Variants in PODXL observed in about 807,000 individuals in gnomAD.
The protein encoded by PODXL is podocalyxin like.
A neutral mutation model predicts 48.9 loss-of-function variants in PODXL; 20 were observed. The ratio of observed to expected loss-of-function variants is 0.41; its 90% CI spans 0.29 to 0.59. PODXL has a LOEUF of 0.59. PODXL is among the 20% of genes least tolerant of loss of function. The pLI is 0.31. For missense variants in PODXL, 606 were observed against 675.1 expected, an observed-to-expected ratio of 0.90 and a Z score of 1.13; for synonymous variants, 295 against 287.4, an observed-to-expected ratio of 1.03 and a Z score of -0.27.
chr7:131,521,146 C>A (rs1210199406), intron 1 of PODXL, among the ~76,000 whole-genome samples: 2 of 125,972 alleles, frequency 1.6e-5, no homozygotes, highest in East Asian at 5.2e-4. Flanking sequence ...CCAGCCTGGG[C>A]GACTCCATCT....
chr7:131,543,869 C>T (rs1053557452), intron 1 of PODXL, among the ~76,000 whole-genome samples: 6 of 152,174 alleles, frequency 3.9e-5, no homozygotes, highest in Non-Finnish European at 8.8e-5. Flanking sequence ...ATGAGAACAG[C>T]CCCCTCCAGC....
intron 1 of PODXL, among the ~76,000 whole-genome samples, chr7:131,514,383 G>C (rs753536345): frequency 1.3e-5 from 2 of 151,988 alleles, no homozygotes; most frequent in African/African-American, 2.4e-5. Context: ...ACTGCACTCC[G>C]GCCTGGGTGA....
chr7:131,525,574 C>T (rs1375751811), intron 1 of PODXL, among the ~76,000 whole-genome samples: 3 of 149,894 alleles, frequency 2.0e-5, no homozygotes, highest in Non-Finnish European at 3.0e-5. Context: ...CATTCTAGCC[C>T]GGGAGACAAG....
intron 1 of PODXL, 79 bp downstream of exon 1, chr7:131,556,181 G>A (rs1283016758): frequency 4.4e-6 from 6 of 1,355,086 alleles, no homozygotes; most frequent in Admixed American, 3.9e-5. Context: ...GCGGCGCGCC[G>A]GGCTTCCCTG....
intron 1 of PODXL, among the ~76,000 whole-genome samples, chr7:131,519,142 A>G (rs1318550295): frequency 6.6e-6 from 1 of 152,236 alleles, no homozygotes; most frequent in Admixed American, 6.5e-5. Flanking sequence ...TATTCTTTAA[A>G]GTCCTGGCCA....
At chr7:131,554,296 T>C (rs922415861) in intron 1 of PODXL, among the ~76,000 whole-genome samples, 1 of 152,124 alleles carries the variant, frequency 6.6e-6, no homozygotes, top group Non-Finnish European at 1.5e-5. Context: ...CCTCAATACA[T>C]GCAAATCATC....
At chr7:131,528,729 G>A (rs1798226769) in intron 1 of PODXL, among the ~76,000 whole-genome samples, 1 of 152,200 alleles carries the variant, frequency 6.6e-6, no homozygotes, top group Admixed American at 6.5e-5. Context: ...TAGAAAAATG[G>A]AGGCAAAGGT....
At chr7:131,529,823 C>T (rs1798245769) in intron 1 of PODXL, among the ~76,000 whole-genome samples, 5 of 152,000 alleles carry the variant, frequency 3.3e-5, no homozygotes, top group Admixed American at 2.0e-4. Flanking sequence ...TAAGGTCCCT[C>T]GGGGTGTGTA....
intron 1 of PODXL, among the ~76,000 whole-genome samples, chr7:131,546,390 C>T (rs893914101): frequency 1.3e-5 from 2 of 152,116 alleles, no homozygotes; most frequent in African/African-American, 4.8e-5. Flanking sequence ...ATGGGCTAAC[C>T]ACCTAGGGGG....
intron 1 of PODXL, among the ~76,000 whole-genome samples, chr7:131,541,347 T>G (rs557985818): frequency 7.7e-5 from 10 of 129,528 alleles, no homozygotes; most frequent in African/African-American, 1.2e-4. Context: ...GGGAGTGGAG[T>G]GGAAGTGGGG....
chr7:131,509,331 G>A lies in PODXL; in HGVS notation c.1023+34C>T. The A allele has an allele frequency of 2.0e-6, 3 of 1,520,784 alleles. No homozygotes were observed. In the South Asian group the frequency reaches 3.4e-5, roughly 17 times the overall value. The allele number at this position is 1,520,784 out of a possible 1,614,324, so 94.2% of individuals were successfully genotyped here. The stretch of plus-strand genomic sequence containing the variant: ...TAAAGCCTCTTCTACCCGAGTCTGG[G>A]TTCTCCTACTTGCCCCACCCCTGCT... On this transcript the variant is annotated intron_variant, in intron 4 of 8. Coordinates refer to ENST00000378555, the MANE Select transcript of PODXL (RefSeq NM_001018111.3).
At position 131,509,377 on chromosome 7, in the gene PODXL, A is replaced by G. The variant is rs3212297; in HGVS notation, c.1011T>C (p.His337=). Residue 337 remains histidine, a synonymous_variant, in exon 4 of 9, where the codon CAT becomes CAC. Coordinates refer to ENST00000378555, the MANE Select transcript of PODXL (RefSeq NM_001018111.3). Reference sequence around the variant, plus strand: ...CTGCTGGAGTTACCCAGTTACTCTCATGAGCCACAGTGGGAGAAGGTGTTT... The same window carrying G: ...CTGCTGGAGTTACCCAGTTACTCTCGTGAGCCACAGTGGGAGAAGGTGTTT... ...YPKTPSPTVA[H]ESNWAKCEDL... 1,079 of 1,613,854 alleles carry G rather than the reference A, an allele frequency of 6.7e-4. 10 individuals carry two copies. In the East Asian group the frequency reaches 0.021, roughly 31 times the overall value.
intron 1 of PODXL, among the ~76,000 whole-genome samples, chr7:131,552,487 T>C (rs750943804): frequency 9.9e-5 from 15 of 152,100 alleles, no homozygotes; most frequent in Non-Finnish European, 2.1e-4. Flanking sequence ...CTCCTCTCCT[T>C]TCAAACATGG....
At chr7:131,532,361 G>C (rs1798294123) in intron 1 of PODXL, among the ~76,000 whole-genome samples, 1 of 150,288 alleles carries the variant, frequency 6.7e-6, no homozygotes, top group African/African-American at 2.4e-5. Context: ...GTGTGAACCT[G>C]GGAGGCGGAG....
intron 1 of PODXL, among the ~76,000 whole-genome samples, chr7:131,553,907 C>A (rs1050494264): frequency 2.0e-5 from 3 of 152,112 alleles, no homozygotes; most frequent in Non-Finnish European, 2.9e-5. Context: ...GTTATCAAAC[C>A]AAAAAGCACT....
At chr7:131,552,535 C>T (rs1381050619) in intron 1 of PODXL, among the ~76,000 whole-genome samples, 2 of 152,182 alleles carry the variant, frequency 1.3e-5, no homozygotes, top group African/African-American at 2.4e-5. Context: ...AGCCTCCATG[C>T]CTCTTCCCCC....
intron 1 of PODXL, among the ~76,000 whole-genome samples, chr7:131,527,493 A>T (rs971683177): frequency 6.6e-6 from 1 of 152,192 alleles, no homozygotes; most frequent in Non-Finnish European, 1.5e-5. Context: ...TCTGCTTTAG[A>T]TTCACGTTTT....
At chr7:131,551,073 T>C (rs1306380545) in intron 1 of PODXL, among the ~76,000 whole-genome samples, 1 of 152,072 alleles carries the variant, frequency 6.6e-6, no homozygotes, top group African/African-American at 2.4e-5. Context: ...ATATGGCAAA[T>C]GTTACTGCAA....
At chr7:131,544,559 G>A (rs148331991) in intron 1 of PODXL, among the ~76,000 whole-genome samples, 2 of 152,264 alleles carry the variant, frequency 1.3e-5, no homozygotes, top group Non-Finnish European at 2.9e-5. Flanking sequence ...TTTGGGCGGT[G>A]CTCTCAGGGC....
Sources: allele counts gnomAD v4.1 joint callset (sites outside exome capture counted in the v4.1 genomes callset), GRCh38; gene constraint gnomAD v4.1.1; transcripts MANE v1.5; gene names NCBI Gene and HGNC (gene_info 2026-07-23, HGNC 2026-07-21).